Variants in CYP20A1 observed in about 807,000 individuals in gnomAD.
CYP20A1 encodes cytochrome P450 family 20 subfamily A member 1.
Under a neutral mutation model 61.4 loss-of-function variants are expected in CYP20A1, and 61 were observed. The observed-to-expected ratio is 0.99, with a 90% confidence interval of 0.81 to 1.23. The LOEUF (loss-of-function observed/expected upper bound fraction) is 1.23. Ranked by LOEUF, CYP20A1 falls within the 50% of genes most tolerant of loss-of-function variation. The pLI, the probability that CYP20A1 is intolerant of heterozygous loss-of-function variation, is 0.00. For missense variants in CYP20A1, 530 were observed against 542.4 expected (o/e 0.98, Z 0.23); for synonymous variants, 193 against 188.2 (o/e 1.03, Z -0.21).
chr2:203,281,884 A>G (rs887210455), intron 8 of CYP20A1, among the ~76,000 whole-genome samples: 2 of 152,186 alleles, frequency 1.3e-5, no homozygotes, highest in African/African-American at 2.4e-5. Context: ...GATTTCATTT[A>G]TATCCCTCAA....
intron 1 of CYP20A1, among the ~76,000 whole-genome samples, chr2:203,240,020 T>C (rs1193830483): frequency 2.0e-5 from 3 of 152,064 alleles, no homozygotes; most frequent in Non-Finnish European, 2.9e-5. Flanking sequence ...CGCTTGAACC[T>C]GGGAGGCGGA....
At chr2:203,253,774 C>T (rs776204781) in intron 4 of CYP20A1, among the ~76,000 whole-genome samples, 1 of 151,526 alleles carries the variant, frequency 6.6e-6, no homozygotes, top group Admixed American at 6.6e-5. Flanking sequence ...AAAGGAGTAA[C>T]AGTAAAAAAA....
At chr2:203,285,812 C>G in intron 9 of CYP20A1, 80 bp downstream of exon 9, 1 of 1,253,554 alleles carries the variant, frequency 8.0e-7, no homozygotes, top group Non-Finnish European at 1.1e-6. Flanking sequence ...TTGTTGCTAT[C>G]TAGGAAAGCT....
intron 4 of CYP20A1, among the ~76,000 whole-genome samples, chr2:203,261,625 A>AG (rs2067141410): frequency 7.1e-6 from 1 of 141,676 alleles, no homozygotes; most frequent in Non-Finnish European, 1.6e-5. Context: ...AAAAAAAAAA[A>AG]GGAATAGCAG....
chr2:203,251,480 A>T (rs897621664), intron 3 of CYP20A1, among the ~76,000 whole-genome samples: 1 of 151,800 alleles, frequency 6.6e-6, no homozygotes, highest in African/African-American at 2.4e-5. Flanking sequence ...CATATTTTAA[A>T]AACAGTTTGC....
intron 7 of CYP20A1, among the ~76,000 whole-genome samples, chr2:203,279,421 GACTAA>G (rs1222362578): frequency 6.6e-6 from 1 of 152,162 alleles, no homozygotes; most frequent in Non-Finnish European, 1.5e-5. Context: ...AGGTGTATTA[GACTAA>G]ATCACTTTGC....
At chr2:203,246,953 C>G in intron 3 of CYP20A1, 32 bp downstream of exon 3, 1 of 1,598,956 alleles carries the variant, frequency 6.3e-7, no homozygotes, top group Non-Finnish European at 8.5e-7. Context: ...ATTACCTGAT[C>G]CTTACCTTTT....
chr2:203,239,078 A>G lies in CYP20A1; in HGVS notation c.16A>G (p.Ile6Val). Residue 6 changes from isoleucine to valine, a missense_variant, in exon 1 of 13, where the codon ATC becomes GTC. Transcript: ENST00000356079. The stretch of plus-strand genomic sequence containing the variant: ...CGGCAGAACCATGTTGGACTTCGCG[A>G]TCTTCGCCGTTACCTTCTTGCTGGC... MLDFA[I>V]FAVTFLLALV... 6.2e-7 allele frequency: 1 copy of G among 1,613,576 alleles called. No individual in the cohort carries two copies. Among genetic ancestry groups the G allele is most frequent in the South Asian group, 1.1e-5 (1 of 91,078 alleles).
At chr2:203,251,859 G>T (rs2066703092) in intron 3 of CYP20A1, 108 bp from the exon 4 acceptor site, 1 of 555,386 alleles carries the variant, frequency 1.8e-6, no homozygotes, top group African/African-American at 2.1e-5. Context: ...AAAAACAGTT[G>T]CCATGCTTTC....
At chr2:203,277,279 T>C (rs13400189) in intron 6 of CYP20A1, among the ~76,000 whole-genome samples, 136,575 of 151,346 alleles carry the variant, frequency 0.9, 62,452 homozygotes, top group Non-Finnish European at 0.97. Context: ...ACCCGGGAGG[T>C]GGAGGTTGCA....
chr2:203,257,658 A>C (rs2066943892), intron 4 of CYP20A1, among the ~76,000 whole-genome samples: 1 of 151,794 alleles, frequency 6.6e-6, no homozygotes, highest in Non-Finnish European at 1.5e-5. Flanking sequence ...GCGTGGTGGC[A>C]GGCGCCTGTA....
chr2:203,276,226 G>A (rs2067815072), intron 6 of CYP20A1, among the ~76,000 whole-genome samples: 1 of 152,216 alleles, frequency 6.6e-6, no homozygotes. Flanking sequence ...AAGTGAGTGA[G>A]AAGAGGAGCA....
chr2:203,272,794 G>A (rs779889565), intron 6 of CYP20A1, 46 bp downstream of exon 6: 3 of 1,171,136 alleles, frequency 2.6e-6, no homozygotes, highest in Admixed American at 4.2e-5. Flanking sequence ...AAATAAATGT[G>A]CCCCAGTTTT....
intron 11 of CYP20A1, among the ~76,000 whole-genome samples, chr2:203,292,949 G>A (rs1459861380): frequency 6.6e-6 from 1 of 151,982 alleles, no homozygotes; most frequent in Non-Finnish European, 1.5e-5. Flanking sequence ...GCTGAGGCGG[G>A]CGGATCACAA....
chr2:203,252,063 A>G lies in CYP20A1; in HGVS notation c.386A>G (p.Asn129Ser), dbSNP rs1432079924. The G allele has an allele frequency of 6.2e-7, 1 of 1,610,084 alleles. No individual in the cohort carries two copies. The highest frequency in any genetic ancestry group is 8.5e-7 in the Non-Finnish European group (1 of 1,178,008). Reference sequence around the variant, plus strand: ...CACATGAGGAAAAAATTGTATGAAAATGGTGTGACTGATTCTCTGAAGAGT... The same window carrying G: ...CACATGAGGAAAAAATTGTATGAAAGTGGTGTGACTGATTCTCTGAAGAGT... ...ENHMRKKLYE[N>S]GVTDSLKSNF... Residue 129 changes from asparagine (N) to serine (S), a missense_variant, in exon 4 of 13, where the codon AAT becomes AGT. Asn to Ser is a conservative substitution (Grantham distance 46). Transcript: ENST00000356079.
intron 2 of CYP20A1, among the ~76,000 whole-genome samples, 174 bp from the exon 3 acceptor site, chr2:203,246,581 A>G (rs546741302): frequency 6.6e-6 from 1 of 152,366 alleles, no homozygotes; most frequent in East Asian, 1.9e-4. Flanking sequence ...TCTAAATATA[A>G]CTATAGAAAT....
At chr2:203,282,001 T>C (rs2068060869) in intron 8 of CYP20A1, among the ~76,000 whole-genome samples, 1 of 151,580 alleles carries the variant, frequency 6.6e-6, no homozygotes, top group African/African-American at 2.4e-5. Flanking sequence ...AAATTGAATT[T>C]AGGTAAGCAT....
At chr2:203,288,061 CTTTTTTTTTTTT>C (rs869173270) in intron 9 of CYP20A1, among the ~76,000 whole-genome samples, 1 of 70,460 alleles carries the variant, frequency 1.4e-5, no homozygotes, top group African/African-American at 6.5e-5. Context: ...TTCTCTCTCT[CTTTTTTTTTTTT>C]TTTTTTTTTT....
Position 203,252,751 on chromosome 2 carries a change from C to T in CYP20A1, c.432+642C>T, listed in dbSNP as rs568932723. On this transcript the variant is annotated intron_variant, in intron 4 of 12. Transcript: ENST00000356079. ...GAGCTGTAGGGCAGCTCCTATTAGCCGTATGCAGATTGCCACTAGTCTTAG... is the reference window on the plus strand; with the variant it reads ...GAGCTGTAGGGCAGCTCCTATTAGCTGTATGCAGATTGCCACTAGTCTTAG... 5.9e-5 allele frequency among the ~76,000 whole-genome samples: 9 copies of T among 152,114 alleles called. No individual in the cohort carries two copies. In the South Asian group the frequency reaches 1.9e-3, roughly 32 times the overall value.
Sources: gnomAD v4.1 joint callset for allele counts (sites outside exome capture counted in the v4.1 genomes callset) on GRCh38, gnomAD v4.1.1 for gene constraint, MANE v1.5 for transcripts, NCBI Gene and HGNC (gene_info 2026-07-23, HGNC 2026-07-21) for gene names.